DDX10: variants seen among roughly 807,000 people sequenced by gnomAD.
The protein encoded by DDX10 is DEAD-box helicase 10.
DDX10 carries 74 observed loss-of-function variants against 104.3 expected under a neutral mutation model. That is an observed-to-expected ratio of 0.71 (90% CI 0.59 to 0.86). The LOEUF is 0.86. Among genes scored for constraint, DDX10 ranks in the 40% least tolerant of loss-of-function variants. The pLI, the probability that DDX10 is intolerant of heterozygous loss-of-function variation, is 0.00. For synonymous variants in DDX10, 351 were observed against 353.4 expected, an observed-to-expected ratio of 0.99 and a Z score of 0.08; for missense variants, 952 against 1,040.0, an observed-to-expected ratio of 0.92 and a Z score of 1.16.
At chr11:108,737,112 T>A (rs1455140131) in intron 13 of DDX10, among the ~76,000 whole-genome samples, 1 of 152,180 alleles carries the variant, frequency 6.6e-6, no homozygotes, top group African/African-American at 2.4e-5. Flanking sequence ...AATGAGCCTC[T>A]TCCAAGGCAT....
intron 5 of DDX10, 69 bp from the exon 6 acceptor site, chr11:108,679,302 G>T: frequency 7.8e-7 from 1 of 1,285,306 alleles, no homozygotes; most frequent in South Asian, 1.5e-5. Flanking sequence ...TCCAATCCAG[G>T]ATACCCATTG....
chr11:108,836,678 G>A (rs34350110), intron 13 of DDX10, among the ~76,000 whole-genome samples: 18,779 of 151,952 alleles, frequency 0.12, 1,383 homozygotes, highest in East Asian at 0.25. Context: ...TAGTAGATTC[G>A]GGGTTTTGCT....
At chr11:108,735,661 T>A (rs1414932817) in intron 13 of DDX10, among the ~76,000 whole-genome samples, 1 of 151,948 alleles carries the variant, frequency 6.6e-6, no homozygotes, top group African/African-American at 2.4e-5. Context: ...ATTTTCTCCA[T>A]GATGGCTACT....
In DDX10 at chr11:108,784,524, C is replaced by A. The variant is rs551693098; in HGVS notation, c.1966-53922C>A. 3.9e-5 allele frequency among the ~76,000 whole-genome samples: 6 copies of A among 152,184 alleles called. No individual in the cohort carries two copies. In the South Asian group the frequency reaches 1.2e-3, roughly 32 times the overall value. On this transcript the variant is annotated intron_variant, in intron 13 of 17. Coordinates refer to ENST00000322536, the MANE Select transcript of DDX10 (RefSeq NM_004398.4). ...TTAGCCTCCAGAGTAGCTCTTTGCC[C>A]ATTTTTAAATTATATTGTTTGTTTT...
intron 17 of DDX10, among the ~76,000 whole-genome samples, chr11:108,939,639 G>A (rs1005258664): frequency 2.0e-5 from 3 of 152,072 alleles, no homozygotes; most frequent in African/African-American, 7.2e-5. Context: ...AATTAGCTTT[G>A]TTTTTATGGT....
At chr11:108,681,198 A>G (rs554877079) in intron 6 of DDX10, among the ~76,000 whole-genome samples, 50 of 152,216 alleles carry the variant, frequency 3.3e-4, no homozygotes, top group African/African-American at 1.1e-3. Flanking sequence ...ATTATTTCCT[A>G]TCCCCAATTT....
At chr11:108,758,418 G>A (rs1452043416) in intron 13 of DDX10, among the ~76,000 whole-genome samples, 1 of 152,020 alleles carries the variant, frequency 6.6e-6, no homozygotes, top group East Asian at 1.9e-4. Flanking sequence ...GGAGAAAATG[G>A]AATAATACAG....
intron 13 of DDX10, among the ~76,000 whole-genome samples, chr11:108,746,484 G>A (rs78692815): frequency 0.013 from 1,942 of 152,132 alleles, 23 homozygotes; most frequent in Non-Finnish European, 0.021. Context: ...TTTGGCAATT[G>A]TGAATAATGC....
intron 6 of DDX10, among the ~76,000 whole-genome samples, chr11:108,687,415 T>A (rs536584760): frequency 6.6e-6 from 1 of 152,328 alleles, no homozygotes; most frequent in South Asian, 2.1e-4. Context: ...CCTGAATTGA[T>A]GCTCCTGCTT....
At chr11:108,762,534 G>A (rs893377265) in intron 13 of DDX10, among the ~76,000 whole-genome samples, 1 of 152,138 alleles carries the variant, frequency 6.6e-6, no homozygotes, top group African/African-American at 2.4e-5. Context: ...GTTCCTGAAA[G>A]CAGAACATAA....
chr11:108,885,018 T>C (rs893500402), intron 16 of DDX10, among the ~76,000 whole-genome samples: 1 of 152,158 alleles, frequency 6.6e-6, no homozygotes, highest in Non-Finnish European at 1.5e-5. Flanking sequence ...GAATCAAGCT[T>C]TTTTGAGTCT....
chr11:108,869,624 A>T (rs1043675265), intron 16 of DDX10, among the ~76,000 whole-genome samples: 1 of 152,112 alleles, frequency 6.6e-6, no homozygotes, highest in Non-Finnish European at 1.5e-5. Flanking sequence ...TGGATTATTC[A>T]TGTTTACAAG....
At chr11:108,726,840 A>G (rs919822438) in intron 13 of DDX10, among the ~76,000 whole-genome samples, 4 of 152,016 alleles carry the variant, frequency 2.6e-5, no homozygotes, top group African/African-American at 7.2e-5. Flanking sequence ...GTAAATGCCT[A>G]TGAGTTTGAG....
intron 15 of DDX10, among the ~76,000 whole-genome samples, chr11:108,851,036 T>G (rs1862784740): frequency 6.6e-6 from 1 of 152,178 alleles, no homozygotes; most frequent in South Asian, 2.1e-4. Flanking sequence ...AAAATAACAG[T>G]AATGTGCTAA....
chr11:108,674,371 A>G (rs1172218984), intron 2 of DDX10, among the ~76,000 whole-genome samples: 1 of 152,130 alleles, frequency 6.6e-6, no homozygotes, highest in East Asian at 1.9e-4. Flanking sequence ...TGGAATGGCT[A>G]AATCAAACTA....
intron 13 of DDX10, among the ~76,000 whole-genome samples, chr11:108,802,285 C>G (rs1243006936): frequency 2.6e-5 from 4 of 152,076 alleles, no homozygotes; most frequent in Non-Finnish European, 5.9e-5. Flanking sequence ...GCATTTCCTT[C>G]AAGTATCATG....
intron 13 of DDX10, among the ~76,000 whole-genome samples, chr11:108,773,788 AATGTTTT>A (rs1334264793): frequency 2.0e-5 from 3 of 152,172 alleles, no homozygotes; most frequent in African/African-American, 7.2e-5. Context: ...AAAACTTACT[AATGTTTT>A]AAAAAAACTC....
intron 13 of DDX10, among the ~76,000 whole-genome samples, chr11:108,759,563 A>C (rs980687978): frequency 1.8e-4 from 27 of 152,076 alleles, no homozygotes; most frequent in Admixed American, 5.3e-4. Context: ...TTAGATTTTA[A>C]GATTGTCATT....
intron 16 of DDX10, among the ~76,000 whole-genome samples, chr11:108,883,279 C>T (rs1214069911): frequency 6.6e-6 from 1 of 152,134 alleles, no homozygotes; most frequent in East Asian, 1.9e-4. Context: ...GACAGAATCT[C>T]TGAAATTACT....
Sources: allele counts gnomAD v4.1 joint callset (sites outside exome capture counted in the v4.1 genomes callset), GRCh38; gene constraint gnomAD v4.1.1; transcripts MANE v1.5; gene names NCBI Gene and HGNC (gene_info 2026-07-23, HGNC 2026-07-21).